Variants in ZZZ3 observed in about 807,000 individuals in gnomAD.
The protein encoded by ZZZ3 is ZZ-type zinc finger-containing protein 3.
Under a neutral mutation model 95.2 loss-of-function variants are expected in ZZZ3, and 22 were observed. The observed-to-expected ratio is 0.23, with a 90% CI of 0.17 to 0.33. The LOEUF is 0.33. Among genes scored for constraint, ZZZ3 ranks in the 10% least tolerant of loss-of-function variants. ZZZ3 has a pLI of 1.00. For synonymous variants in ZZZ3, 335 were observed against 358.9 expected (o/e 0.93, Z 0.75); for missense variants, 885 against 1,066.5 (o/e 0.83, Z 2.37).
At chr1:77,644,684 T>C (rs1669098257) in intron 1 of ZZZ3, among the ~76,000 whole-genome samples, 1 of 152,230 alleles carries the variant, frequency 6.6e-6, no homozygotes, top group Non-Finnish European at 1.5e-5. Flanking sequence ...ACCTGCCTAC[T>C]ACCTCTCAGG....
chr1:77,590,694 A>C (rs968691160), intron 5 of ZZZ3, among the ~76,000 whole-genome samples: 1 of 152,260 alleles, frequency 6.6e-6, no homozygotes, highest in African/African-American at 2.4e-5. Flanking sequence ...TAAATGGAAA[A>C]ATTTAAATAT....
chr1:77,580,892 C>T (rs1168934231), intron 9 of ZZZ3, 106 bp downstream of exon 9: 5 of 933,236 alleles, frequency 5.4e-6, no homozygotes, highest in Admixed American at 1.8e-5. Flanking sequence ...TCCCAAAGTG[C>T]TGGGATTACA....
At chr1:77,662,110 T>C (rs1670848199) in intron 1 of ZZZ3, among the ~76,000 whole-genome samples, 1 of 151,788 alleles carries the variant, frequency 6.6e-6, no homozygotes, top group South Asian at 2.1e-4. Flanking sequence ...GCCTCCCAGG[T>C]TCAAGCGATT....
intron 5 of ZZZ3, among the ~76,000 whole-genome samples, chr1:77,603,180 T>C (rs1664904656): frequency 6.6e-6 from 1 of 151,882 alleles, no homozygotes; most frequent in Non-Finnish European, 1.5e-5. Flanking sequence ...CTGGGCTGAA[T>C]CAATCCTCCC....
intron 5 of ZZZ3, chr1:77,584,871 C>T (rs1662930546): frequency 3.0e-6 from 1 of 328,456 alleles, no homozygotes; most frequent in South Asian, 1.5e-4. Flanking sequence ...CCTTCTTCCC[C>T]CATCTTAAGT....
chr1:77,629,808 C>T (rs1557741557), intron 5 of ZZZ3, among the ~76,000 whole-genome samples: 1 of 152,104 alleles, frequency 6.6e-6, no homozygotes, highest in Non-Finnish European at 1.5e-5. Context: ...TTAAGGAACA[C>T]ATGAAAAATA....
chr1:77,681,243 T>C (rs1226523166), intron 1 of ZZZ3, among the ~76,000 whole-genome samples: 1 of 152,182 alleles, frequency 6.6e-6, no homozygotes, highest in Non-Finnish European at 1.5e-5. Context: ...GGAATGGAAC[T>C]TTGTGGTACC....
chr1:77,599,969 G>A (rs568852075), intron 5 of ZZZ3, among the ~76,000 whole-genome samples: 26 of 151,880 alleles, frequency 1.7e-4, no homozygotes, highest in African/African-American at 2.4e-4. Context: ...ATTTTCTTTT[G>A]CATGAAAGGT....
intron 5 of ZZZ3, among the ~76,000 whole-genome samples, chr1:77,607,464 C>T (rs1452597242): frequency 3.9e-5 from 6 of 152,034 alleles, no homozygotes; most frequent in African/African-American, 1.4e-4. Context: ...AGAAAGAATT[C>T]AAAACTCTAT....
chr1:77,583,755 CA>C (rs1662773779), intron 6 of ZZZ3, among the ~76,000 whole-genome samples: 1 of 151,978 alleles, frequency 6.6e-6, no homozygotes, highest in South Asian at 2.1e-4. Flanking sequence ...TCTTTTTCAT[CA>C]TTTTTCAGTT....
intron 1 of ZZZ3, among the ~76,000 whole-genome samples, chr1:77,675,618 T>C (rs1672188811): frequency 6.6e-6 from 1 of 152,102 alleles, no homozygotes; most frequent in Admixed American, 6.6e-5. Flanking sequence ...TTTTCAAATA[T>C]TTATTATTTT....
intron 1 of ZZZ3, among the ~76,000 whole-genome samples, chr1:77,653,832 C>A (rs950638475): frequency 4.6e-5 from 7 of 152,026 alleles, no homozygotes; most frequent in Non-Finnish European, 5.9e-5. Flanking sequence ...TGGACACATT[C>A]CATGAAAAAC....
At chr1:77,619,520 C>G (rs533732226) in intron 5 of ZZZ3, among the ~76,000 whole-genome samples, 3 of 152,292 alleles carry the variant, frequency 2.0e-5, no homozygotes, top group South Asian at 2.1e-4. Context: ...CTTAACCACT[C>G]TGTAGGCTTC....
intron 5 of ZZZ3, among the ~76,000 whole-genome samples, chr1:77,588,713 C>CA (rs145698640): frequency 0.052 from 7,770 of 149,244 alleles, 305 homozygotes; most frequent in African/African-American, 0.12. Context: ...TAGAATAACT[C>CA]AAAAAAAAAA....
intron 1 of ZZZ3, among the ~76,000 whole-genome samples, chr1:77,682,282 A>G (rs1400088571): frequency 6.6e-6 from 1 of 152,236 alleles, no homozygotes; most frequent in Non-Finnish European, 1.5e-5. Context: ...GCAAGAAGGG[A>G]AAAACTGACA....
intron 1 of ZZZ3, among the ~76,000 whole-genome samples, chr1:77,649,308 G>A (rs547017462): frequency 5.7e-4 from 86 of 151,726 alleles, no homozygotes; most frequent in Middle Eastern, 3.4e-3. Context: ...CTGACTTCTC[G>A]GTGGAAGCAC....
intron 5 of ZZZ3, among the ~76,000 whole-genome samples, chr1:77,619,733 T>C (rs1666663570): frequency 6.6e-6 from 1 of 152,138 alleles, no homozygotes; most frequent in Non-Finnish European, 1.5e-5. Flanking sequence ...GGACAACTCA[T>C]CTGTAAACAT....
chr1:77,669,367 C>T (rs188261880), intron 1 of ZZZ3, among the ~76,000 whole-genome samples: 2 of 151,962 alleles, frequency 1.3e-5, no homozygotes, highest in Non-Finnish European at 2.9e-5. Context: ...CACTACTGTT[C>T]ACATCACTTT....
At chr1:77,618,390 T>C (rs1666534904) in intron 5 of ZZZ3, among the ~76,000 whole-genome samples, 1 of 151,954 alleles carries the variant, frequency 6.6e-6, no homozygotes. Flanking sequence ...GAATAAAATG[T>C]CATATAAAGT....
Sources: allele counts gnomAD v4.1 joint callset (sites outside exome capture counted in the v4.1 genomes callset), GRCh38; gene constraint gnomAD v4.1.1; transcripts MANE v1.5; gene names NCBI Gene and HGNC (gene_info 2026-07-23, HGNC 2026-07-21).